ZNF831: variants seen among roughly 807,000 people sequenced by gnomAD.
ZNF831 encodes chromosome 20 open reading frame 174.
A neutral mutation model predicts 95.8 loss-of-function variants in ZNF831; 59 were observed. The observed-to-expected ratio is 0.62, with a 90% confidence interval of 0.50 to 0.77. The LOEUF (loss-of-function observed/expected upper bound fraction) is 0.77, where lower values mean the gene tolerates loss of function less well. Among genes scored for constraint, ZNF831 ranks in the 30% least tolerant of loss-of-function variants. ZNF831 has a pLI of 0.00. For missense variants in ZNF831, 2,205 were observed against 2,164.0 expected (o/e 1.02, Z -0.38); for synonymous variants, 961 against 925.5 (o/e 1.04, Z -0.70).
chr20:59,233,539 C>T (rs1019741556), intron 4 of ZNF831, among the ~76,000 whole-genome samples: 1 of 152,154 alleles, frequency 6.6e-6, no homozygotes, highest in South Asian at 2.1e-4. Context: ...TATCAGGAAA[C>T]AGCAAAGAAT....
At chr20:59,234,377 A>C (rs1986890741) in intron 4 of ZNF831, among the ~76,000 whole-genome samples, 1 of 152,176 alleles carries the variant, frequency 6.6e-6, no homozygotes, top group Non-Finnish European at 1.5e-5. Flanking sequence ...AATTCTTAAT[A>C]ATGTTGAGTA....
At chr20:59,148,493 A>G (rs1980009453) in intron 2 of ZNF831, among the ~76,000 whole-genome samples, 1 of 118,760 alleles carries the variant, frequency 8.4e-6, no homozygotes, top group Non-Finnish European at 1.9e-5. Flanking sequence ...CATCCTGGCT[A>G]ACACGGTGAA....
chr20:59,184,937 A>T (rs1982894349), intron 1 of ZNF831, among the ~76,000 whole-genome samples: 1 of 151,152 alleles, frequency 6.6e-6, no homozygotes, highest in Non-Finnish European at 1.5e-5. Context: ...TGTGGGGGGG[A>T]ATTGGGAGGA....
chr20:59,129,938 C>A (rs1242478946), intron 1 of ZNF831, among the ~76,000 whole-genome samples: 1 of 152,192 alleles, frequency 6.6e-6, no homozygotes, highest in East Asian at 1.9e-4. Flanking sequence ...GACATTTATA[C>A]CATTTATCCT....
At chr20:59,236,264 A>G (rs1050799150) in intron 4 of ZNF831, among the ~76,000 whole-genome samples, 3 of 152,152 alleles carry the variant, frequency 2.0e-5, no homozygotes, top group Non-Finnish European at 4.4e-5. Flanking sequence ...TGCCTAGCCA[A>G]CGAGTCTCTT....
rs142414079 is a variant in ZNF831 at position 59,200,921 on chromosome 20, A to G, written c.3875+4916A>G. Among the ~76,000 whole-genome samples the G allele has an allele frequency of 4.6e-3, 708 of 152,294 alleles. 3 individuals carry two copies. The highest frequency in any genetic ancestry group is 0.016 in the African/African-American group (684 of 41,552). On this transcript the variant is annotated intron_variant, in intron 3 of 5. Coordinates refer to ENST00000371030, the MANE Select transcript of ZNF831 (RefSeq NM_178457.3). ...TGGTTTGTTTCAGTTTGGGGCTATT[A>G]CAAATAAAATGACTATAAATATTCA...
At position 59,169,250 on chromosome 20, in the gene ZNF831, G is replaced by T. The variant is rs1404056976; in HGVS notation, c.-37+5043G>T. Among the ~76,000 whole-genome samples the T allele has an allele frequency of 1.3e-5, 2 of 152,194 alleles. No homozygotes were observed. The highest frequency in any genetic ancestry group is 1.3e-4 in the Admixed American group (2 of 15,282). On this transcript the variant is annotated intron_variant, in intron 1 of 5. Coordinates refer to ENST00000371030, the MANE Select transcript of ZNF831 (RefSeq NM_178457.3). This position sits in a 1 kb window ranked among gnomAD's most constrained non-coding sequence, Gnocchi z 4.1. ...AGTGTGATTCTCATGTGATTCAAAT[G>T]ATCTGTTTCCCATTAGGTGGATCAT...
At chr20:59,142,575 C>A (rs1442285027) in intron 1 of ZNF831, among the ~76,000 whole-genome samples, 2 of 152,222 alleles carry the variant, frequency 1.3e-5, no homozygotes, top group Non-Finnish European at 2.9e-5. Flanking sequence ...ATCACAGAAT[C>A]AGCAAGCTAC....
chr20:59,170,527 G>A (rs1478356210), intron 1 of ZNF831, among the ~76,000 whole-genome samples: 1 of 152,190 alleles, frequency 6.6e-6, no homozygotes, highest in Non-Finnish European at 1.5e-5. Context: ...CTTTAAATTT[G>A]TTGAGGTTGA....
At position 59,254,430 on chromosome 20, in the gene ZNF831, C is replaced by A. The variant is rs1439819415; in HGVS notation, c.4721C>A (p.Pro1574Gln). 1.2e-6 allele frequency: 2 copies of A among 1,614,050 alleles called. No individual in the cohort carries two copies. Among genetic ancestry groups the A allele is most frequent in the Admixed American group, 1.7e-5 (1 of 60,010 alleles). The stretch of plus-strand genomic sequence containing the variant: ...CATCTTGAAATACCAGCTTCAGGAC[C>A]AAGTTCAGCTAGTTCACACCACAAG... ...KTHLEIPASGPSSASSHHKEG... is the reference protein window; with the variant it reads ...KTHLEIPASGQSSASSHHKEG... Residue 1574 changes from proline (P) to glutamine (Q), a missense_variant, in exon 6 of 6, where the codon CCA becomes CAA. Pro to Gln is a moderately conservative substitution (Grantham distance 76). Coordinates refer to ENST00000371030, the MANE Select transcript of ZNF831 (RefSeq NM_178457.3). This position sits in a 1 kb window ranked among gnomAD's most constrained non-coding sequence, Gnocchi z 4.5.
intron 1 of ZNF831, among the ~76,000 whole-genome samples, chr20:59,171,154 G>A (rs1441638223): frequency 2.6e-5 from 4 of 152,180 alleles, no homozygotes; most frequent in Non-Finnish European, 5.9e-5. Context: ...CTGTGGCTGG[G>A]AGGGGGAACT....
At chr20:59,233,045 TAG>T (rs35568283) in intron 4 of ZNF831, among the ~76,000 whole-genome samples, 5 of 109,552 alleles carry the variant, frequency 4.6e-5, no homozygotes, top group Non-Finnish European at 8.5e-5. Context: ...CACACACACA[TAG>T]AGAGAGAGAG....
In ZNF831 at chr20:59,194,673, T is replaced by C. The variant is rs371324771; in HGVS notation, c.3654T>C (p.Asp1218=). 3.7e-6 allele frequency: 6 copies of C among 1,612,706 alleles called. No individual in the cohort carries two copies. The highest frequency in any genetic ancestry group is 1.7e-5 in the Admixed American group (1 of 59,910). ...AVHFPGSSLR[D]EGPNGPPGSN... ...ACTTTCCTGGTAGCAGCCTCCGAGATGAGGGTCCCAATGGCCCTCCTGGGA... is the reference window on the plus strand; with the variant it reads ...ACTTTCCTGGTAGCAGCCTCCGAGACGAGGGTCCCAATGGCCCTCCTGGGA... Residue 1218 remains aspartate (D), a synonymous_variant, in exon 2 of 6, where the codon GAT becomes GAC. Transcript: ENST00000371030.
chr20:59,212,783 T>C (rs1195373414), intron 4 of ZNF831, among the ~76,000 whole-genome samples: 3 of 152,232 alleles, frequency 2.0e-5, no homozygotes, highest in East Asian at 1.9e-4. Flanking sequence ...CTTTCCCTAA[T>C]AGACTGACTG....
rs115274454 is a variant in ZNF831, at chr20:59,169,654, A to T, written c.-37+5447A>T. ...GGTGGTGCGCACCTGTAATCCCAGC[A>T]TGTTGCAAGCTGAGGCAGGAGGATC... On this transcript the variant is annotated intron_variant, in intron 1 of 5. Transcript: ENST00000371030. This position sits in a 1 kb window ranked among gnomAD's most constrained non-coding sequence, Gnocchi z 4.1. Among the ~76,000 whole-genome samples, 2,400 of 152,060 alleles carry T rather than the reference A, an allele frequency of 0.016. 68 individuals are homozygous for T. The highest frequency in any genetic ancestry group is 0.055 in the African/African-American group (2,269 of 41,458).
At chr20:59,218,919 A>G (rs191780970) in intron 4 of ZNF831, among the ~76,000 whole-genome samples, 1 of 152,228 alleles carries the variant, frequency 6.6e-6, no homozygotes, top group East Asian at 1.9e-4. Context: ...AGGCTGAGGT[A>G]AGAAAATTGC....
At chr20:59,123,824 C>A (rs765675011) in intron 1 of ZNF831, among the ~76,000 whole-genome samples, 21 of 152,164 alleles carry the variant, frequency 1.4e-4, no homozygotes, top group African/African-American at 5.1e-4. Flanking sequence ...TGTCTCTAAT[C>A]GGGGCATTTG....
intron 4 of ZNF831, among the ~76,000 whole-genome samples, chr20:59,221,695 T>C (rs1412577932): frequency 6.6e-6 from 1 of 152,218 alleles, no homozygotes; most frequent in Non-Finnish European, 1.5e-5. Context: ...TTCCAAGGTT[T>C]TTCCCTTGCT....
intron 1 of ZNF831, among the ~76,000 whole-genome samples, chr20:59,145,370 T>G (rs1025419344): frequency 6.6e-6 from 1 of 152,150 alleles, no homozygotes; most frequent in Non-Finnish European, 1.5e-5. Context: ...TTTTTGAAAA[T>G]GTTGGATTAA....
Sources: allele counts gnomAD v4.1 joint callset (sites outside exome capture counted in the v4.1 genomes callset), GRCh38; gene constraint gnomAD v4.1.1; non-coding constraint Gnocchi (gnomAD v3.1); transcripts MANE v1.5; gene names NCBI Gene and HGNC (gene_info 2026-07-23, HGNC 2026-07-21).